The following ANKFY1 variants were observed in gnomAD, a reference collection of about 807,000 sequenced individuals.
ANKFY1 encodes ankyrin repeat and FYVE domain containing 1.
Under a neutral mutation model 128.3 loss-of-function variants are expected in ANKFY1, and 47 were observed. The ratio of observed to expected loss-of-function variants is 0.37; its 90% CI spans 0.29 to 0.47. The LOEUF (loss-of-function observed/expected upper bound fraction) is 0.47. Among genes scored for constraint, ANKFY1 ranks in the 20% least tolerant of loss-of-function variants. ANKFY1 has a pLI of 1.00. For missense variants in ANKFY1, 1,222 were observed against 1,510.6 expected, an observed-to-expected ratio of 0.81 and a Z score of 3.17; for synonymous variants, 553 against 601.6, an observed-to-expected ratio of 0.92 and a Z score of 1.18.
At chr17:4,202,589 C>T (rs1443161185) in intron 7 of ANKFY1, among the ~76,000 whole-genome samples, 3 of 103,974 alleles carry the variant, frequency 2.9e-5, no homozygotes, top group African/African-American at 7.6e-5. Flanking sequence ...CCCAGCTACA[C>T]GGGAGGCTGA....
chr17:4,216,671 CAGAA>C (rs1346122708), intron 4 of ANKFY1: 1 of 366,932 alleles, frequency 2.7e-6, no homozygotes, highest in South Asian at 2.4e-5. Context: ...TCAAGGGAAA[CAGAA>C]AGGGAAGGAA....
intron 7 of ANKFY1, among the ~76,000 whole-genome samples, chr17:4,202,618 AC>A (rs1307139964): frequency 1.4e-5 from 2 of 142,662 alleles, no homozygotes; most frequent in Non-Finnish European, 3.0e-5. Flanking sequence ...AATGGCGTGA[AC>A]CCGGGAGGCG....
rs761229750 is a variant in ANKFY1, at chr17:4,263,918, C to CA, written c.10+13dup. ...CTCCGTGTCTTCCCGCGCGGCTCCA[C>CA]AAAAAAACCCTACCTTCCGCCATGT... On this transcript the variant is annotated intron_variant, in intron 1 of 24. Transcript: ENST00000341657. The CA allele has an allele frequency of 3.5e-5, 57 of 1,613,876 alleles. No homozygotes were observed. The highest frequency in any genetic ancestry group is 7.7e-5 in the South Asian group (7 of 91,086).
At chr17:4,174,601 GTGTTTCAAAGCATAAA>G (rs1360575132) in intron 19 of ANKFY1, among the ~76,000 whole-genome samples, 2 of 152,156 alleles carry the variant, frequency 1.3e-5, no homozygotes, top group African/African-American at 4.8e-5. Flanking sequence ...CACTTGGAAG[GTGTTTCAAAGCATAAA>G]TGCCATACTC....
intron 2 of ANKFY1, among the ~76,000 whole-genome samples, chr17:4,238,621 G>A (rs990847002): frequency 5.9e-5 from 9 of 151,820 alleles, no homozygotes; most frequent in South Asian, 2.1e-4. Flanking sequence ...TTACAGGTGC[G>A]CGCCACCACG....
At chr17:4,206,598 G>A (rs2143015428) in intron 6 of ANKFY1, 112 bp from the exon 7 acceptor site, 1 of 981,216 alleles carries the variant, frequency 1.0e-6, no homozygotes, top group Non-Finnish European at 1.5e-6. Context: ...TCAAATTTAA[G>A]TGCTCCAACA....
chr17:4,208,288 T>C (rs2060062401), intron 5 of ANKFY1, among the ~76,000 whole-genome samples: 3 of 152,200 alleles, frequency 2.0e-5, no homozygotes, highest in Admixed American at 6.5e-5. Flanking sequence ...ATAAAGAGAT[T>C]AGATAACTTG....
intron 7 of ANKFY1, among the ~76,000 whole-genome samples, chr17:4,202,523 C>A (rs1388760081): frequency 4.5e-4 from 68 of 150,056 alleles, no homozygotes; most frequent in African/African-American, 1.6e-3. Flanking sequence ...ACGGTGAAAC[C>A]CCGTCTCTAC....
chr17:4,237,091 G>A lies in ANKFY1; in HGVS notation c.204-1201C>T, dbSNP rs571391042. ...GCAGAGGTTGCAGTGAGCCGAGATC[G>A]CGCTACTGCACTCCAGCCTGGGCAA... On this transcript the variant is annotated intron_variant, in intron 2 of 24. Transcript: ENST00000341657. Among the ~76,000 whole-genome samples, 90 of 151,968 alleles carry A rather than the reference G, an allele frequency of 5.9e-4. 1 individual carries two copies. Among genetic ancestry groups the A allele is most frequent in the African/African-American group, 1.8e-3 (76 of 41,438 alleles).
chr17:4,179,842 G>A lies in ANKFY1; in HGVS notation c.2276C>T (p.Ala759Val). 6.2e-7 allele frequency: 1 copy of A among 1,614,210 alleles called. No individual in the cohort carries two copies. Among genetic ancestry groups the A allele is most frequent in the South Asian group, 1.1e-5 (1 of 91,088 alleles). Residue 759 changes from alanine (A) to valine (V), a missense_variant, in exon 17 of 25, where the codon GCC becomes GTC. Physicochemically the swap from Ala to Val is moderately conservative, Grantham distance 64. Coordinates refer to ENST00000341657, the MANE Select transcript of ANKFY1 (RefSeq NM_001330063.2). The part of the protein sequence containing the change: ...CDVNSPRQPG[A>V]NGEGEEEARD... ...AGCCTCTTCCTCTCCTTCTCCATTG[G>A]CGCCTGGTTGTCTGGGACTGTTCAC...
intron 22 of ANKFY1, among the ~76,000 whole-genome samples, chr17:4,171,625 G>A (rs1044033151): frequency 6.6e-6 from 1 of 152,162 alleles, no homozygotes; most frequent in African/African-American, 2.4e-5. Flanking sequence ...TCAACACGGA[G>A]CCCCTCCCTG....
rs973186933 is a variant in ANKFY1, at chr17:4,164,617, A to T, written c.*3162T>A. 3 of 152,278 alleles carry T rather than the reference A, an allele frequency of 2.0e-5. No homozygotes were observed. The highest frequency in any genetic ancestry group is 4.4e-5 in the Non-Finnish European group (3 of 68,058). 9.4% of individuals were successfully genotyped at this position (152,278 alleles called of 1,614,324 possible). On this transcript the variant is annotated 3_prime_UTR_variant, in exon 25 of 25. Coordinates refer to ENST00000341657, the MANE Select transcript of ANKFY1 (RefSeq NM_001330063.2). ...CTTGCCTTTCAGGGTGAAGCATTACATAGTTCAAAAGTGTTCTTTTTCTCC... is the reference window on the plus strand; with the variant it reads ...CTTGCCTTTCAGGGTGAAGCATTACTTAGTTCAAAAGTGTTCTTTTTCTCC...
intron 1 of ANKFY1, among the ~76,000 whole-genome samples, chr17:4,251,911 G>A (rs1171462859): frequency 6.6e-6 from 1 of 152,026 alleles, no homozygotes; most frequent in South Asian, 2.1e-4. Context: ...GCGTGCGCCT[G>A]TAGTCCCAGC....
intron 1 of ANKFY1, among the ~76,000 whole-genome samples, chr17:4,256,076 A>G (rs1598157618): frequency 6.6e-6 from 1 of 150,622 alleles, no homozygotes; most frequent in South Asian, 2.2e-4. Flanking sequence ...TCGGCCTCCC[A>G]AAGTGCTGGG....
chr17:4,203,291 G>A (rs1457354398), intron 7 of ANKFY1, among the ~76,000 whole-genome samples: 3 of 152,024 alleles, frequency 2.0e-5, no homozygotes, highest in African/African-American at 7.3e-5. Flanking sequence ...GACACTGCCA[G>A]GTAAATGAGG....
intron 7 of ANKFY1, among the ~76,000 whole-genome samples, chr17:4,198,904 G>A (rs2059877074): frequency 1.3e-5 from 2 of 152,134 alleles, no homozygotes; most frequent in South Asian, 4.1e-4. Context: ...AATTAAGACT[G>A]AATAACATCC....
In ANKFY1 at chr17:4,206,423, G is replaced by A; in HGVS notation, c.796C>T (p.Arg266Ter). 6.2e-7 allele frequency: 1 copy of A among 1,614,160 alleles called. No individual in the cohort carries two copies. The highest frequency in any genetic ancestry group is 8.5e-7 in the Non-Finnish European group (1 of 1,180,012). The change falls in exon 7 of 25, where the codon CGA becomes TGA. Residue 266 changes from arginine (R) to a stop codon, truncating the protein, a stop_gained. Coordinates refer to ENST00000341657, the MANE Select transcript of ANKFY1 (RefSeq NM_001330063.2). LOFTEE classifies it high-confidence loss of function. The stretch of plus-strand genomic sequence containing the variant: ...GTGGTGGCAATACTCTCCAGTCGTC[G>A]TGAGAGGGCTAGATCTAATGCCAGA... Reference protein sequence around the residue: ...GDLALDLALSRRLESIATTLV... With the variant: ...GDLALDLALS
chr17:4,242,712 A>G (rs1967311742), intron 1 of ANKFY1, among the ~76,000 whole-genome samples: 1 of 152,224 alleles, frequency 6.6e-6, no homozygotes, highest in Non-Finnish European at 1.5e-5. Context: ...TGGGCAACGT[A>G]CTGTCTCCAC....
intron 1 of ANKFY1, among the ~76,000 whole-genome samples, chr17:4,259,925 T>A (rs141610963): frequency 6.6e-6 from 1 of 152,072 alleles, no homozygotes; most frequent in Admixed American, 6.6e-5. Flanking sequence ...AGTGGGTCAG[T>A]TGTGTGGAGA....
Sources: allele counts gnomAD v4.1 joint callset (sites outside exome capture counted in the v4.1 genomes callset), GRCh38; gene constraint gnomAD v4.1.1; transcripts MANE v1.5; gene names NCBI Gene and HGNC (gene_info 2026-07-23, HGNC 2026-07-21).